Variants in BBX observed in about 807,000 individuals in gnomAD.
BBX encodes BBX high mobility group box domain containing, also known as HMG box transcription factor BBX.
A neutral mutation model predicts 100.2 loss-of-function variants in BBX; 30 were observed. The ratio of observed to expected loss-of-function variants is 0.30; its 90% CI spans 0.22 to 0.41. BBX has a LOEUF of 0.41. Ranked by LOEUF, BBX falls within the 10% of genes least tolerant of loss-of-function variation. The pLI, the probability that BBX is intolerant of heterozygous loss-of-function variation, is 1.00. For missense variants in BBX, 1,023 were observed against 1,129.8 expected, an observed-to-expected ratio of 0.91 and a Z score of 1.35; for synonymous variants, 376 against 388.1, an observed-to-expected ratio of 0.97 and a Z score of 0.37.
chr3:107,660,736 C>G (rs1030730075), intron 3 of BBX, among the ~76,000 whole-genome samples: 1 of 152,070 alleles, frequency 6.6e-6, no homozygotes, highest in African/African-American at 2.4e-5. Context: ...AGGAGCTTTT[C>G]TGGCAATTCC....
At chr3:107,611,052 T>A (rs1345708897) in intron 2 of BBX, among the ~76,000 whole-genome samples, 1 of 151,986 alleles carries the variant, frequency 6.6e-6, no homozygotes, top group Non-Finnish European at 1.5e-5. Context: ...TTACCATGAG[T>A]TAGAACCTAT....
chr3:107,630,134 C>T (rs2056454371), intron 2 of BBX, among the ~76,000 whole-genome samples: 2 of 152,118 alleles, frequency 1.3e-5, no homozygotes, highest in Non-Finnish European at 2.9e-5. Context: ...CTTAGAATCC[C>T]CTGGGGAGCT....
chr3:107,674,673 A>T (rs1451532003), intron 3 of BBX: 1 of 152,648 alleles, frequency 6.6e-6, no homozygotes, highest in Admixed American at 6.5e-5. Context: ...CTCCCACAGC[A>T]GTTTGTATAG....
chr3:107,767,384 T>C (rs923632552), intron 10 of BBX, among the ~76,000 whole-genome samples: 2 of 151,956 alleles, frequency 1.3e-5, no homozygotes, highest in African/African-American at 4.8e-5. Context: ...ACATATCCAA[T>C]TTAAAAAAGG....
At chr3:107,801,050 G>C (rs772417467) in intron 16 of BBX, 45 bp from the exon 17 acceptor site, 3 of 1,578,440 alleles carry the variant, frequency 1.9e-6, no homozygotes, top group Non-Finnish European at 2.6e-6. Context: ...CTTCTCTGGA[G>C]AGAACAGAGT....
At position 107,798,156 on chromosome 3, in the gene BBX, A is replaced by G. The variant is rs368704470; in HGVS notation, c.2354-367A>G. 9.2e-5 allele frequency among the ~76,000 whole-genome samples: 14 copies of G among 152,344 alleles called. 1 individual carries two copies. The East Asian group carries it at 1.7e-3, about 19-fold the overall frequency. ...TTCTTTTACCATCCTCTCTAGGCCA[A>G]CTGGCCAAAAGGATCTCTCAGATAG... On this transcript the variant is annotated intron_variant, in intron 15 of 17. Transcript: ENST00000325805.
At chr3:107,801,939 A>G (rs1211310445) in intron 17 of BBX, among the ~76,000 whole-genome samples, 1 of 152,246 alleles carries the variant, frequency 6.6e-6, no homozygotes, top group South Asian at 2.1e-4. Context: ...CACATTGAGC[A>G]TAGTGATATC....
intron 2 of BBX, among the ~76,000 whole-genome samples, chr3:107,613,986 T>C (rs1426460803): frequency 7.5e-6 from 1 of 133,464 alleles, no homozygotes; most frequent in Non-Finnish European, 1.6e-5. Context: ...GGAGTCTCTC[T>C]CTGTCACCAG....
At chr3:107,774,602 A>C (rs2067177219) in intron 11 of BBX, 117 bp from the exon 12 acceptor site, 7 of 1,102,996 alleles carry the variant, frequency 6.3e-6, no homozygotes, top group Middle Eastern at 2.1e-4. Context: ...AAATAGCTAC[A>C]GTTAGCTTCA....
At chr3:107,564,786 A>G (rs904110861) in intron 2 of BBX, among the ~76,000 whole-genome samples, 2 of 152,198 alleles carry the variant, frequency 1.3e-5, no homozygotes, top group African/African-American at 4.8e-5. Flanking sequence ...TATCAGATAG[A>G]GCAAATTCTC....
At chr3:107,566,526 T>C (rs1439943356) in intron 2 of BBX, among the ~76,000 whole-genome samples, 1 of 151,240 alleles carries the variant, frequency 6.6e-6, no homozygotes, top group Non-Finnish European at 1.5e-5. Flanking sequence ...TGAACTTCTA[T>C]GAAACTGCCT....
At chr3:107,622,713 T>C (rs1169972920) in intron 2 of BBX, among the ~76,000 whole-genome samples, 1 of 152,218 alleles carries the variant, frequency 6.6e-6, no homozygotes, top group African/African-American at 2.4e-5. Context: ...TTTAAATTTA[T>C]TCATGTGTTG....
At chr3:107,625,963 T>C (rs952431399) in intron 2 of BBX, among the ~76,000 whole-genome samples, 4 of 152,132 alleles carry the variant, frequency 2.6e-5, no homozygotes, top group African/African-American at 9.7e-5. Flanking sequence ...TATATATACC[T>C]TACATCTTGA....
At chr3:107,737,884 G>GTTTTGTT (rs2063744620) in intron 7 of BBX, among the ~76,000 whole-genome samples, 1 of 48,886 alleles carries the variant, frequency 2.0e-5, no homozygotes, top group Non-Finnish European at 3.4e-5. Flanking sequence ...CAGAGTTCCA[G>GTTTTGTT]TTTTTTTTTT....
At chr3:107,790,810 G>A (rs887925725) in intron 14 of BBX, among the ~76,000 whole-genome samples, 3 of 152,058 alleles carry the variant, frequency 2.0e-5, no homozygotes, top group African/African-American at 4.8e-5. Context: ...GTGCCTGTAT[G>A]TTCCTGTATG....
chr3:107,538,340 AC>A (rs1186171402), intron 2 of BBX, among the ~76,000 whole-genome samples: 4 of 152,202 alleles, frequency 2.6e-5, no homozygotes, highest in Non-Finnish European at 4.4e-5. Context: ...ACCTGGTCTC[AC>A]GTATATGGTG....
At chr3:107,733,506 C>G (rs575677667) in intron 7 of BBX, among the ~76,000 whole-genome samples, 42 of 152,182 alleles carry the variant, frequency 2.8e-4, no homozygotes, top group South Asian at 2.3e-3. Context: ...TTCCCACCCC[C>G]CCTTGAGACA....
chr3:107,609,496 C>T (rs1225583624), intron 2 of BBX, among the ~76,000 whole-genome samples: 1 of 151,976 alleles, frequency 6.6e-6, no homozygotes, highest in Non-Finnish European at 1.5e-5. Context: ...GCAGTGAAAC[C>T]ATCAGGTCCC....
At chr3:107,544,671 G>T (rs1349228024) in intron 2 of BBX, among the ~76,000 whole-genome samples, 1 of 151,660 alleles carries the variant, frequency 6.6e-6, no homozygotes, top group African/African-American at 2.4e-5. Flanking sequence ...AGGAGTTCAA[G>T]ACCAGCCTGG....
Sources: gnomAD v4.1 joint callset for allele counts (sites outside exome capture counted in the v4.1 genomes callset) on GRCh38, gnomAD v4.1.1 for gene constraint, MANE v1.5 for transcripts, NCBI Gene and HGNC (gene_info 2026-07-23, HGNC 2026-07-21) for gene names.